Variants in USP25 observed in about 807,000 individuals in gnomAD.
The protein encoded by USP25 is ubiquitin specific peptidase 25, also known as ubiquitin carboxyl-terminal hydrolase 25.
Under a neutral mutation model 158.5 loss-of-function variants are expected in USP25, and 85 were observed. The observed-to-expected ratio is 0.54, with a 90% CI of 0.45 to 0.64. The LOEUF (loss-of-function observed/expected upper bound fraction) is 0.64, where lower values mean the gene tolerates loss of function less well. Among genes scored for constraint, USP25 ranks in the 30% least tolerant of loss-of-function variants. USP25 has a pLI of 0.00. For synonymous variants in USP25, 464 were observed against 460.4 expected (o/e 1.01, Z -0.10); for missense variants, 1,242 against 1,327.3 (o/e 0.94, Z 1.00).
intron 5 of USP25, among the ~76,000 whole-genome samples, chr21:15,792,702 C>T (rs1437500042): frequency 2.0e-5 from 3 of 151,496 alleles, no homozygotes; most frequent in African/African-American, 7.3e-5. Flanking sequence ...TTATATACTT[C>T]AGTGCTAAAA....
At chr21:15,791,456 T>A in intron 4 of USP25, 46 bp from the exon 5 acceptor site, 1 of 1,521,938 alleles carries the variant, frequency 6.6e-7, no homozygotes, top group Non-Finnish European at 8.8e-7. Context: ...ATGCCTGGGA[T>A]ATATACCATT....
At chr21:15,854,072 A>G (rs2823508) in intron 20 of USP25, among the ~76,000 whole-genome samples, 26,148 of 151,966 alleles carry the variant, frequency 0.17, 5,057 homozygotes, top group African/African-American at 0.48. Context: ...CCTCAATTAG[A>G]TATAGTATTT....
Position 15,766,239 on chromosome 21 carries a change from C to CA in USP25, c.268+104dup. ...TGTTGCTTAAGGAGAGGTAAAGAAC[C>CA]AAAAAAGAACTCTATTAACCTTGGT... On this transcript the variant is annotated intron_variant, in intron 3 of 25. Coordinates refer to ENST00000400183, the MANE Select transcript of USP25 (RefSeq NM_001283041.3). The surrounding 1 kb of genome is among the most constrained non-coding windows in gnomAD (Gnocchi z 4.0). 9.1e-7 allele frequency: 1 copy of CA among 1,097,304 alleles called. No homozygotes were observed. The highest frequency in any genetic ancestry group is 1.2e-6 in the Non-Finnish European group (1 of 821,250). The allele number at this position is 1,097,304 out of a possible 1,614,324, so 68.0% of individuals were successfully genotyped here.
intron 17 of USP25, among the ~76,000 whole-genome samples, chr21:15,834,895 T>C (rs1189524652): frequency 6.6e-6 from 1 of 152,216 alleles, no homozygotes; most frequent in Non-Finnish European, 1.5e-5. Flanking sequence ...GCTATGTGGG[T>C]CCACAACAAT....
chr21:15,811,094 T>C, intron 8 of USP25, 43 bp from the exon 9 acceptor site: 11 of 1,530,860 alleles, frequency 7.2e-6, no homozygotes, highest in Non-Finnish European at 9.8e-6. Context: ...TATTTATAGG[T>C]CCGAAAATTG....
chr21:15,776,566 C>T (rs1283677297), intron 3 of USP25, among the ~76,000 whole-genome samples: 3 of 151,464 alleles, frequency 2.0e-5, no homozygotes, highest in Non-Finnish European at 4.4e-5. Context: ...TCCCCATCCT[C>T]TATCCTGTTT....
At chr21:15,764,892 T>A (rs1448921282) in intron 2 of USP25, among the ~76,000 whole-genome samples, 3 of 152,116 alleles carry the variant, frequency 2.0e-5, no homozygotes, top group Non-Finnish European at 4.4e-5. Flanking sequence ...GGGGTAGGTC[T>A]TGGGGACTTT....
At chr21:15,751,441 G>A (rs936974052) in intron 1 of USP25, among the ~76,000 whole-genome samples, 3 of 152,162 alleles carry the variant, frequency 2.0e-5, no homozygotes, top group African/African-American at 7.2e-5. Flanking sequence ...CTTAGAGCAC[G>A]TTTATTTTGT....
At chr21:15,797,500 G>A (rs1423070812) in intron 5 of USP25, among the ~76,000 whole-genome samples, 3 of 151,008 alleles carry the variant, frequency 2.0e-5, no homozygotes, top group African/African-American at 4.8e-5. Context: ...TAAATAACTG[G>A]CCATCTTGAA....
rs757398310 is a variant in USP25 at position 15,791,570 on chromosome 21, A to G, written c.461A>G (p.Asp154Gly). The G allele has an allele frequency of 1.9e-6, 3 of 1,611,634 alleles. No individual in the cohort carries two copies. The highest frequency in any genetic ancestry group is 2.7e-5 in the African/African-American group (2 of 74,722). ...LKRTPTEVWR[D>G]SRNPYDRKRQ... ...AGGACACCTACAGAAGTTTGGAGGG[A>G]TTCTCGAAACCCTTATGATAGAAAA... is the stretch of plus-strand genomic sequence containing the variant. Residue 154 changes from aspartate to glycine, a missense_variant, in exon 5 of 26, where the codon GAT becomes GGT. Asp to Gly is a moderately conservative substitution (Grantham distance 94, BLOSUM62 -1). This residue lies in a region of USP25 where 627 missense variants were observed against 701.4 expected (regional missense o/e 0.89). Coordinates refer to ENST00000400183, the MANE Select transcript of USP25 (RefSeq NM_001283041.3).
rs972621635 is a variant in USP25 at position 15,773,939 on chromosome 21, C to G, written c.269-3965C>G. On this transcript the variant is annotated intron_variant, in intron 3 of 25. Coordinates refer to ENST00000400183, the MANE Select transcript of USP25 (RefSeq NM_001283041.3). ...GAGGAGAACTAGAGTCTCCAATGTGCTTCTGAAGGTTTGCATTCTATTGCA... is the reference window on the plus strand; with the variant it reads ...GAGGAGAACTAGAGTCTCCAATGTGGTTCTGAAGGTTTGCATTCTATTGCA... Among the ~76,000 whole-genome samples the G allele has an allele frequency of 2.0e-5, 3 of 152,176 alleles. No homozygotes were observed. In the East Asian group the frequency reaches 5.8e-4, roughly 29 times the overall value.
intron 3 of USP25, among the ~76,000 whole-genome samples, chr21:15,774,341 A>C (rs2034519464): frequency 6.6e-6 from 1 of 152,194 alleles, no homozygotes; most frequent in African/African-American, 2.4e-5. Flanking sequence ...TGTTAATATC[A>C]CCACTCATAT....
At position 15,740,655 on chromosome 21, in the gene USP25, T is replaced by G. The variant is rs1489376139; in HGVS notation, c.45+10217T>G. Reference sequence around the variant, plus strand: ...TCTTTCTGGCTGTTTTTTTTTTTTTTTTTTTTTTTTTTTTTTTTTGGTATG... The same window carrying G: ...TCTTTCTGGCTGTTTTTTTTTTTTTGTTTTTTTTTTTTTTTTTTTGGTATG... On this transcript the variant is annotated intron_variant, in intron 1 of 25. Coordinates refer to ENST00000400183, the MANE Select transcript of USP25 (RefSeq NM_001283041.3). Among the ~76,000 whole-genome samples the G allele has an allele frequency of 5.6e-4, 71 of 127,610 alleles. 1 individual carries two copies. The highest frequency in any genetic ancestry group is 2.8e-3 in the African/African-American group (68 of 24,168). 83.7% of individuals were successfully genotyped at this position (127,610 alleles called of 152,430 possible). A position where few individuals can be genotyped will look rare whatever the true frequency, so the allele number is the denominator to read the frequency against.
intron 17 of USP25, among the ~76,000 whole-genome samples, chr21:15,835,773 G>GGAAA (rs1429223405): frequency 2.6e-5 from 4 of 152,136 alleles, no homozygotes; most frequent in Non-Finnish European, 5.9e-5. Flanking sequence ...TAGACTTGAC[G>GGAAA]GAAATATGCA....
At chr21:15,764,826 G>A (rs898531012) in intron 2 of USP25, among the ~76,000 whole-genome samples, 5 of 152,084 alleles carry the variant, frequency 3.3e-5, no homozygotes, top group African/African-American at 7.2e-5. Flanking sequence ...GAAAGTGGTG[G>A]TGCCTTTGAA....
At chr21:15,755,187 A>G (rs1397822504) in intron 1 of USP25, among the ~76,000 whole-genome samples, 1 of 151,132 alleles carries the variant, frequency 6.6e-6, no homozygotes, top group African/African-American at 2.4e-5. Flanking sequence ...GAAAATTTGG[A>G]AGGTTTTTTT....
chr21:15,740,436 A>C (rs747715245), intron 1 of USP25, among the ~76,000 whole-genome samples: 8 of 152,108 alleles, frequency 5.3e-5, no homozygotes, highest in Non-Finnish European at 1.2e-4. Flanking sequence ...CCATCAGTGC[A>C]GCAACATGTT....
intron 23 of USP25, among the ~76,000 whole-genome samples, chr21:15,873,378 C>G (rs2039971411): frequency 6.6e-6 from 1 of 152,108 alleles, no homozygotes; most frequent in South Asian, 2.1e-4. Flanking sequence ...ACCACCACCT[C>G]CCAAAGTATT....
chr21:15,873,744 C>CA (rs1159623044), intron 23 of USP25, among the ~76,000 whole-genome samples: 2 of 152,096 alleles, frequency 1.3e-5, no homozygotes, highest in Non-Finnish European at 2.9e-5. Flanking sequence ...CCGTCTGCCT[C>CA]AGCCTCCCAA....
Sources: allele counts gnomAD v4.1 joint callset (sites outside exome capture counted in the v4.1 genomes callset), GRCh38; gene constraint gnomAD v4.1.1; regional missense constraint gnomAD v4.1.1; non-coding constraint Gnocchi (gnomAD v3.1); transcripts MANE v1.5; gene names NCBI Gene and HGNC (gene_info 2026-07-23, HGNC 2026-07-21).